Variants in WASF3 observed in about 807,000 individuals in gnomAD.
WASF3 encodes the protein actin-binding protein WASF3.
A neutral mutation model predicts 46.6 loss-of-function variants in WASF3; 11 were observed. The observed-to-expected ratio is 0.24, with a 90% confidence interval of 0.15 to 0.39. The LOEUF is 0.39. Among genes scored for constraint, WASF3 ranks in the 10% least tolerant of loss-of-function variants. The pLI, the probability that WASF3 is intolerant of heterozygous loss-of-function variation, is 1.00. For missense variants in WASF3, 576 were observed against 669.8 expected, an observed-to-expected ratio of 0.86 and a Z score of 1.55; for synonymous variants, 242 against 259.7, an observed-to-expected ratio of 0.93 and a Z score of 0.65.
At chr13:26,587,332 A>G (rs1245978544) in intron 1 of WASF3, among the ~76,000 whole-genome samples, 2 of 152,002 alleles carry the variant, frequency 1.3e-5, no homozygotes, top group South Asian at 2.1e-4. Flanking sequence ...CATCAATCCA[A>G]TCAAGGATTG....
At chr13:26,680,611 T>C (rs1375223754) in intron 7 of WASF3, among the ~76,000 whole-genome samples, 1 of 152,250 alleles carries the variant, frequency 6.6e-6, no homozygotes, top group Non-Finnish European at 1.5e-5. Context: ...TCTTTTCCTG[T>C]TCTTACTGTT....
At chr13:26,654,532 T>C (rs1405087051) in intron 3 of WASF3, among the ~76,000 whole-genome samples, 1 of 152,262 alleles carries the variant, frequency 6.6e-6, no homozygotes, top group Non-Finnish European at 1.5e-5. Flanking sequence ...ACAAGTATAT[T>C]TCTTCAAGCA....
chr13:26,664,347 G>T (rs1340498229), intron 3 of WASF3, among the ~76,000 whole-genome samples: 2 of 152,186 alleles, frequency 1.3e-5, no homozygotes, highest in Non-Finnish European at 2.9e-5. Context: ...ATGGTGTTAG[G>T]ATTTGGAAAT....
At chr13:26,628,258 A>C (rs1167635336) in intron 2 of WASF3, among the ~76,000 whole-genome samples, 2 of 152,202 alleles carry the variant, frequency 1.3e-5, no homozygotes, top group Non-Finnish European at 2.9e-5. Flanking sequence ...AGAAATTAGA[A>C]CCACAGTCTT....
chr13:26,642,818 AG>A (rs1188090821), intron 3 of WASF3, among the ~76,000 whole-genome samples: 2 of 152,248 alleles, frequency 1.3e-5, no homozygotes, highest in Non-Finnish European at 2.9e-5. Flanking sequence ...CCTGGCACAT[AG>A]TACCTACTTA....
chr13:26,672,226 TG>T (rs1236635269), intron 6 of WASF3, among the ~76,000 whole-genome samples: 1 of 152,228 alleles, frequency 6.6e-6, no homozygotes, highest in Non-Finnish European at 1.5e-5. Context: ...TCCTAAACTT[TG>T]TTTTGTTACC....
chr13:26,544,053 A>G, the WASF3 span, among the ~76,000 whole-genome samples: 5 of 152,328 alleles, frequency 3.3e-5, no homozygotes, highest in Non-Finnish European at 5.9e-5. Context: ...GCCCTGTTCC[A>G]CTAACATTAT....
chr13:26,620,129 G>T (rs1026408299), intron 2 of WASF3, among the ~76,000 whole-genome samples: 1 of 152,066 alleles, frequency 6.6e-6, no homozygotes, highest in Non-Finnish European at 1.5e-5. Flanking sequence ...AGTTATGCTA[G>T]ATCTCCAAGG....
Position 26,681,466 on chromosome 13 carries a change from T to C in WASF3, c.983+146T>C, listed in dbSNP as rs752670253. On this transcript the variant is annotated intron_variant, in intron 8 of 9. Transcript: ENST00000335327. ...ATGTAGATACTAGCAACTCTAACAT[T>C]CTGTGTGAAATAAAGCAGGTGCAGC... The C allele has an allele frequency of 2.9e-6, 3 of 1,036,960 alleles. No homozygotes were observed. In the South Asian group the frequency reaches 5.4e-5, roughly 19 times the overall value. 64.2% of individuals were successfully genotyped at this position (1,036,960 alleles called of 1,614,324 possible). A position where few individuals can be genotyped will look rare whatever the true frequency, so the allele number is the denominator to read the frequency against.
At chr13:26,680,956 T>C (rs1308523574) in intron 7 of WASF3, 98 bp from the exon 8 acceptor site, 10 of 1,434,218 alleles carry the variant, frequency 7.0e-6, no homozygotes, top group Non-Finnish European at 9.5e-6. Flanking sequence ...GATTTTTGTG[T>C]ATTAGCAATG....
intron 1 of WASF3, chr13:26,606,690 G>A (rs1201577022): frequency 6.6e-6 from 1 of 151,990 alleles, no homozygotes; most frequent in Non-Finnish European, 1.5e-5. Flanking sequence ...TATTTAGTTG[G>A]TGATAAGAGT....
chr13:26,603,722 G>C (rs531651061), intron 1 of WASF3, among the ~76,000 whole-genome samples: 2 of 152,278 alleles, frequency 1.3e-5, no homozygotes, highest in Admixed American at 6.5e-5. Context: ...ACTTATTTAT[G>C]ATGGCCTGTG....
chr13:26,609,132 A>G (rs1158265632), intron 1 of WASF3, among the ~76,000 whole-genome samples: 1 of 152,214 alleles, frequency 6.6e-6, no homozygotes. Context: ...ACAATGAGTC[A>G]TTTAGATACA....
chr13:26,665,295 C>T lies in WASF3; in HGVS notation c.268+133C>T, dbSNP rs567125125. 40 of 1,121,968 alleles carry T rather than the reference C, an allele frequency of 3.6e-5. No homozygotes were observed. In the Admixed American group the frequency reaches 4.6e-4, roughly 13 times the overall value. 69.5% of individuals were successfully genotyped at this position (1,121,968 alleles called of 1,614,324 possible). ...CATCTTGTCTTTCCTAGAAGAATAGCGAGGGGGAAAAACCTACAACTTTGT... is the reference window on the plus strand; with the variant it reads ...CATCTTGTCTTTCCTAGAAGAATAGTGAGGGGGAAAAACCTACAACTTTGT... On this transcript the variant is annotated intron_variant, in intron 4 of 9. Transcript: ENST00000335327.
the WASF3 span, among the ~76,000 whole-genome samples, chr13:26,552,587 A>C: frequency 6.6e-6 from 1 of 152,238 alleles, no homozygotes; most frequent in Admixed American, 6.5e-5. Context: ...TTAATTCTTG[A>C]GAACTGAGGT....
intron 2 of WASF3, among the ~76,000 whole-genome samples, chr13:26,636,961 C>T (rs544111764): frequency 2.0e-5 from 3 of 152,272 alleles, no homozygotes; most frequent in Admixed American, 6.5e-5. Flanking sequence ...AGAACTTCAC[C>T]GCAGTTGCCA....
rs181735436 is a variant in WASF3, at chr13:26,589,634, C to T, written c.-108-23327C>T. 4.2e-4 allele frequency among the ~76,000 whole-genome samples: 64 copies of T among 152,096 alleles called. 1 individual carries two copies. Among genetic ancestry groups the T allele is most frequent in the African/African-American group, 1.4e-3 (60 of 41,484 alleles). On this transcript the variant is annotated intron_variant, in intron 1 of 9. Transcript: ENST00000335327. Reference sequence around the variant, plus strand: ...CTTTTAGAATGATTTTTGACTATATCTAGTATTTAAAGCTTTTCTTTAGTT... The same window carrying T: ...CTTTTAGAATGATTTTTGACTATATTTAGTATTTAAAGCTTTTCTTTAGTT...
chr13:26,627,099 A>G (rs140436129), intron 2 of WASF3, among the ~76,000 whole-genome samples: 113 of 152,332 alleles, frequency 7.4e-4, no homozygotes, highest in African/African-American at 2.6e-3. Context: ...CAATTGGAGA[A>G]GTTCAGTGCC....
intron 3 of WASF3, among the ~76,000 whole-genome samples, chr13:26,647,286 G>A (rs1480005291): frequency 6.6e-6 from 1 of 152,078 alleles, no homozygotes; most frequent in East Asian, 1.9e-4. Context: ...TTTTCTTTGA[G>A]TGTTACTTCT....
Sources: allele counts gnomAD v4.1 joint callset (sites outside exome capture counted in the v4.1 genomes callset), GRCh38; gene constraint gnomAD v4.1.1; transcripts MANE v1.5; gene names NCBI Gene and HGNC (gene_info 2026-07-23, HGNC 2026-07-21).